The following TRPC4AP variants were observed in gnomAD, a reference collection of about 807,000 sequenced individuals.
TRPC4AP encodes the protein transient receptor potential cation channel subfamily C member 4 associated protein, also known as short transient receptor potential channel 4-associated protein.
Under a neutral mutation model 99.0 loss-of-function variants are expected in TRPC4AP, and 45 were observed. The observed-to-expected ratio is 0.45, with a 90% CI of 0.36 to 0.58. The LOEUF is 0.58. Among genes scored for constraint, TRPC4AP ranks in the 20% least tolerant of loss-of-function variants. The pLI, the probability that TRPC4AP is intolerant of heterozygous loss-of-function variation, is 0.00. For missense variants in TRPC4AP, 879 were observed against 985.3 expected (o/e 0.89, Z 1.44); for synonymous variants, 408 against 385.8 (o/e 1.06, Z -0.67).
At chr20:35,085,560 T>G (rs1341469862) in intron 1 of TRPC4AP, among the ~76,000 whole-genome samples, 1 of 151,560 alleles carries the variant, frequency 6.6e-6, no homozygotes, top group Non-Finnish European at 1.5e-5. Context: ...TTTCAGTAGT[T>G]TTTTTTCACC....
At chr20:35,085,740 G>A (rs759044968) in intron 1 of TRPC4AP, among the ~76,000 whole-genome samples, 11 of 152,048 alleles carry the variant, frequency 7.2e-5, no homozygotes, top group Non-Finnish European at 8.8e-5. Flanking sequence ...TTCTCTTGAA[G>A]TACTTGTGGT....
chr20:35,007,760 T>A, intron 13 of TRPC4AP, 120 bp from the exon 14 acceptor site: 2 of 1,004,010 alleles, frequency 2.0e-6, no homozygotes, highest in South Asian at 1.5e-5. Flanking sequence ...ACTGAACATC[T>A]ACCAAGCATC....
chr20:35,041,941 T>C (rs1359640257), intron 7 of TRPC4AP, among the ~76,000 whole-genome samples: 1 of 152,208 alleles, frequency 6.6e-6, no homozygotes, highest in Non-Finnish European at 1.5e-5. Context: ...GCTTAGCAAA[T>C]ACTACCTTTT....
Position 35,005,675 on chromosome 20 carries a change from A to T in TRPC4AP, c.1936+20T>A. The T allele has an allele frequency of 6.2e-7, 1 of 1,611,008 alleles. No homozygotes were observed. The highest frequency in any genetic ancestry group is 8.5e-7 in the Non-Finnish European group (1 of 1,177,236). On this transcript the variant is annotated intron_variant, in intron 16 of 18. Transcript: ENST00000252015. ...TTCTTACCCTGCATGACTTGCCTTG[A>T]CAGCCTGCCTTTCATGTACCTTTCA... is the stretch of plus-strand genomic sequence containing the variant.
intron 8 of TRPC4AP, among the ~76,000 whole-genome samples, chr20:35,021,819 G>GT (rs1381176181): frequency 1.3e-5 from 2 of 152,140 alleles, no homozygotes; most frequent in Non-Finnish European, 2.9e-5. Flanking sequence ...AGAATTCCCC[G>GT]TTTTTTAAAA....
intron 7 of TRPC4AP, among the ~76,000 whole-genome samples, chr20:35,038,080 G>C (rs2147344123): frequency 6.6e-6 from 1 of 150,658 alleles, no homozygotes; most frequent in South Asian, 2.2e-4. Flanking sequence ...AGGGGTAATG[G>C]GAAGAAGCTG....
chr20:35,058,387 G>A (rs1430105362), intron 3 of TRPC4AP, among the ~76,000 whole-genome samples: 1 of 152,104 alleles, frequency 6.6e-6, no homozygotes, highest in Non-Finnish European at 1.5e-5. Flanking sequence ...ACATTCTCCA[G>A]GACAGATCAA....
At chr20:35,012,693 C>T (rs555561455) in intron 11 of TRPC4AP, among the ~76,000 whole-genome samples, 1 of 152,340 alleles carries the variant, frequency 6.6e-6, no homozygotes, top group East Asian at 1.9e-4. Flanking sequence ...CCACGCTGTC[C>T]ACTCTTGCTT....
intron 8 of TRPC4AP, among the ~76,000 whole-genome samples, chr20:35,026,526 C>CTGTTT (rs1010129111): frequency 6.6e-6 from 1 of 152,094 alleles, no homozygotes; most frequent in Non-Finnish European, 1.5e-5. Flanking sequence ...TAGTTCAAGA[C>CTGTTT]TGTTTTTGTT....
Position 35,034,171 on chromosome 20 carries a change from A to C in TRPC4AP, c.1051+952T>G, listed in dbSNP as rs1275718091. Among the ~76,000 whole-genome samples, 12 of 150,246 alleles carry C rather than the reference A, an allele frequency of 8.0e-5. 4 individuals are homozygous for C. Among genetic ancestry groups the C allele is most frequent in the African/African-American group, 3.0e-4 (12 of 40,560 alleles). ...CGTCTCAAAAAAAAAAAAAAAAAAA[A>C]AAAAAAAGAGTAAAAAAAAAGAAGA... On this transcript the variant is annotated intron_variant, in intron 8 of 18. Transcript: ENST00000252015.
At chr20:35,015,005 T>A (rs983337447) in intron 10 of TRPC4AP, among the ~76,000 whole-genome samples, 1 of 152,160 alleles carries the variant, frequency 6.6e-6, no homozygotes, top group African/African-American at 2.4e-5. Flanking sequence ...CAAAGCCACC[T>A]TTTTTTGTAT....
rs758881774 is a variant in TRPC4AP, at chr20:35,012,988, AG to A, written c.1409+19del. The A allele has an allele frequency of 6.2e-7, 1 of 1,613,724 alleles. No homozygotes were observed. The highest frequency in any genetic ancestry group is 8.5e-7 in the Non-Finnish European group (1 of 1,179,704). On this transcript the variant is annotated intron_variant, in intron 11 of 18. Coordinates refer to ENST00000252015, the MANE Select transcript of TRPC4AP (RefSeq NM_015638.3). ...AAGACAGCCCAACAACTCTCCTTGC[AG>A]GGACACTCTTGTACTTACTCGTGGT...
At chr20:35,054,320 T>C (rs1032014393) in intron 5 of TRPC4AP, among the ~76,000 whole-genome samples, 2 of 152,230 alleles carry the variant, frequency 1.3e-5, no homozygotes, top group African/African-American at 4.8e-5. Flanking sequence ...ACTGTATCTT[T>C]TAAAAACTAA....
intron 1 of TRPC4AP, among the ~76,000 whole-genome samples, chr20:35,078,648 T>C (rs1400930874): frequency 6.6e-6 from 1 of 152,170 alleles, no homozygotes; most frequent in Non-Finnish European, 1.5e-5. Context: ...ACTGTAAATA[T>C]CTATGAATGG....
chr20:35,035,388 G>T, intron 7 of TRPC4AP, 80 bp from the exon 8 acceptor site: 1 of 1,390,862 alleles, frequency 7.2e-7, no homozygotes, highest in Non-Finnish European at 9.8e-7. Context: ...CAAACAATCT[G>T]CATGATAGGA....
chr20:35,062,501 A>G (rs1218647483), intron 3 of TRPC4AP, among the ~76,000 whole-genome samples: 1 of 152,264 alleles, frequency 6.6e-6, no homozygotes, highest in Admixed American at 6.5e-5. Flanking sequence ...TTGACAATAA[A>G]AAGGAATGGA....
At chr20:35,033,615 T>TTGGGAGAGTTC (rs2083251300) in intron 8 of TRPC4AP, among the ~76,000 whole-genome samples, 1 of 152,186 alleles carries the variant, frequency 6.6e-6, no homozygotes, top group Non-Finnish European at 1.5e-5. Context: ...TGTTCTGACC[T>TTGGGAGAGTTC]TGGGAGAGTT....
intron 8 of TRPC4AP, among the ~76,000 whole-genome samples, chr20:35,031,720 G>A (rs1346869094): frequency 6.6e-6 from 1 of 151,764 alleles, no homozygotes; most frequent in South Asian, 2.1e-4. Flanking sequence ...ATCTTGGTGT[G>A]CTTAATAGTG....
chr20:35,088,735 C>G (rs1028181924), intron 1 of TRPC4AP, among the ~76,000 whole-genome samples: 1 of 152,142 alleles, frequency 6.6e-6, no homozygotes. Context: ...TCAGGTCCAC[C>G]TTACTTTAAA....
Sources: gnomAD v4.1 joint callset for allele counts (sites outside exome capture counted in the v4.1 genomes callset) on GRCh38, gnomAD v4.1.1 for gene constraint, MANE v1.5 for transcripts, NCBI Gene and HGNC (gene_info 2026-07-23, HGNC 2026-07-21) for gene names.